The following CSNK1G1 variants were observed in gnomAD, a reference collection of about 807,000 sequenced individuals.
The protein encoded by CSNK1G1 is casein kinase I isoform gamma-1.
In CSNK1G1, 22 loss-of-function variants were observed where a neutral mutation model predicts 59.6. The observed-to-expected ratio is 0.37, with a 90% CI of 0.26 to 0.53. The LOEUF (loss-of-function observed/expected upper bound fraction) is 0.53, where lower values mean the gene tolerates loss of function less well. Ranked by LOEUF, CSNK1G1 falls within the 20% of genes least tolerant of loss-of-function variation. The probability of loss-of-function intolerance (pLI) is 0.89; values close to 1 mark genes in which losing one functional copy is unlikely to be tolerated. For synonymous variants in CSNK1G1, 179 were observed against 177.1 expected, an observed-to-expected ratio of 1.01 and a Z score of -0.08; for missense variants, 384 against 519.5, an observed-to-expected ratio of 0.74 and a Z score of 2.54.
At chr15:64,308,565 T>C (rs964151779) in intron 1 of CSNK1G1, among the ~76,000 whole-genome samples, 1 of 152,182 alleles carries the variant, frequency 6.6e-6, no homozygotes, top group Non-Finnish European at 1.5e-5. Context: ...CTCAACTCTC[T>C]AGCAGCCTCT....
At chr15:64,317,236 G>A (rs1479405576) in intron 1 of CSNK1G1, among the ~76,000 whole-genome samples, 1 of 152,060 alleles carries the variant, frequency 6.6e-6, no homozygotes, top group Non-Finnish European at 1.5e-5. Context: ...TTACAGGTGT[G>A]CGCCACTACG....
At chr15:64,273,088 C>A (rs1455828071) in intron 2 of CSNK1G1, among the ~76,000 whole-genome samples, 3 of 152,164 alleles carry the variant, frequency 2.0e-5, no homozygotes, top group African/African-American at 7.2e-5. Context: ...GTCCAAGAAC[C>A]TATTGATGAA....
intron 1 of CSNK1G1, among the ~76,000 whole-genome samples, chr15:64,337,341 T>C (rs547955788): frequency 6.6e-6 from 1 of 152,256 alleles, no homozygotes; most frequent in African/African-American, 2.4e-5. Context: ...TTTCCAGTAA[T>C]ATACTAACAT....
At chr15:64,227,054 T>C (rs550882768) in intron 4 of CSNK1G1, among the ~76,000 whole-genome samples, 1 of 152,368 alleles carries the variant, frequency 6.6e-6, no homozygotes, top group Non-Finnish European at 1.5e-5. Context: ...ATGGTAGATA[T>C]GGTTAAAATA....
In CSNK1G1 at chr15:64,282,942, T is replaced by C. The variant is rs543670195; in HGVS notation, c.181+17377A>G. On this transcript the variant is annotated intron_variant, in intron 2 of 11. Coordinates refer to ENST00000303052, the MANE Select transcript of CSNK1G1 (RefSeq NM_022048.5). ...CATATGCTTACTAGTCATCCTTACA[T>C]TGTTTCTGGAGAAAAGTCTATTCAA... Among the ~76,000 whole-genome samples the C allele has an allele frequency of 3.9e-5, 6 of 152,310 alleles. No homozygotes were observed. In the East Asian group the frequency reaches 7.7e-4, roughly 20 times the overall value.
intron 9 of CSNK1G1, 148 bp downstream of exon 9, chr15:64,204,293 A>G: frequency 1.7e-6 from 1 of 600,772 alleles, no homozygotes; most frequent in Non-Finnish European, 2.6e-6. Context: ...CAACACCCAG[A>G]CAAGGCTAGT....
intron 2 of CSNK1G1, chr15:64,265,841 C>G (rs62021612): frequency 0.15 from 70,209 of 455,780 alleles, 7,258 homozygotes; most frequent in African/African-American, 0.38. Context: ...AGCACTTTAG[C>G]AGGAGGCCAA....
At chr15:64,265,408 A>G (rs1208951923) in intron 2 of CSNK1G1, among the ~76,000 whole-genome samples, 1 of 152,188 alleles carries the variant, frequency 6.6e-6, no homozygotes, top group Non-Finnish European at 1.5e-5. Context: ...TTCTCATGAT[A>G]GTGAATAAGT....
chr15:64,195,977 C>T (rs1201459359), intron 10 of CSNK1G1, among the ~76,000 whole-genome samples: 1 of 152,152 alleles, frequency 6.6e-6, no homozygotes, highest in Non-Finnish European at 1.5e-5. Flanking sequence ...CACTTGTAAT[C>T]CCCGTTACTT....
At chr15:64,235,424 T>C (rs1007199538) in intron 4 of CSNK1G1, among the ~76,000 whole-genome samples, 2 of 151,654 alleles carry the variant, frequency 1.3e-5, no homozygotes, top group Admixed American at 6.5e-5. Flanking sequence ...ATTTAACACA[T>C]GTATCAGTAA....
intron 4 of CSNK1G1, among the ~76,000 whole-genome samples, chr15:64,247,042 G>C (rs1891797137): frequency 6.6e-6 from 1 of 152,066 alleles, no homozygotes; most frequent in South Asian, 2.1e-4. Context: ...TCCTAATACG[G>C]ATCTGTTTCG....
intron 2 of CSNK1G1, among the ~76,000 whole-genome samples, chr15:64,286,879 G>A (rs1392849346): frequency 6.6e-6 from 1 of 152,058 alleles, no homozygotes; most frequent in Non-Finnish European, 1.5e-5. Context: ...AATCTCTGAC[G>A]ATTAATGTTG....
intron 1 of CSNK1G1, among the ~76,000 whole-genome samples, chr15:64,306,709 G>A (rs1596253072): frequency 1.3e-5 from 2 of 152,228 alleles, no homozygotes; most frequent in East Asian, 3.9e-4. Flanking sequence ...ATTTGTAGTT[G>A]TCAAAAAATG....
chr15:64,250,905 C>T (rs1380217027), intron 4 of CSNK1G1, among the ~76,000 whole-genome samples: 1 of 152,144 alleles, frequency 6.6e-6, no homozygotes, highest in Non-Finnish European at 1.5e-5. Flanking sequence ...AGACTTGTCC[C>T]TACAGGTAAA....
Position 64,300,347 on chromosome 15 carries a change from T to G in CSNK1G1, c.153A>C (p.Gly51=). 1.2e-6 allele frequency: 2 copies of G among 1,614,170 alleles called. No homozygotes were observed. The highest frequency in any genetic ancestry group is 1.7e-6 in the Non-Finnish European group (2 of 1,180,020). The change falls in exon 2 of 12, where the codon GGA becomes GGC. Residue 51 remains glycine, a synonymous_variant. Coordinates refer to ENST00000303052, the MANE Select transcript of CSNK1G1 (RefSeq NM_022048.5). ...ATCTGAGCTCTCCGAAGTTCCCACA[T>G]CCTATCTTCTTGCCAACCCTGAAGT... is the stretch of plus-strand genomic sequence containing the variant. ...GPNFRVGKKI[G]CGNFGELRLG... is the part of the protein sequence containing the mutation.
At position 64,216,453 on chromosome 15, in the gene CSNK1G1, G is replaced by T; in HGVS notation, c.444+109C>A. ...CTTCCCAGAATGCCATCAAGCCTGT[G>T]AGTACTAATTCTTGATGTGTTGCTA... On this transcript the variant is annotated intron_variant, in intron 5 of 11. Coordinates refer to ENST00000303052, the MANE Select transcript of CSNK1G1 (RefSeq NM_022048.5). The surrounding 1 kb of genome is among the most constrained non-coding windows in gnomAD (Gnocchi z 4.6). 9.1e-7 allele frequency: 1 copy of T among 1,094,444 alleles called. No homozygotes were observed. Among genetic ancestry groups the T allele is most frequent in the Non-Finnish European group, 1.3e-6 (1 of 757,222 alleles). 67.8% of individuals were successfully genotyped at this position (1,094,444 alleles called of 1,614,324 possible). A position where few individuals can be genotyped will look rare whatever the true frequency, so the allele number is the denominator to read the frequency against.
intron 6 of CSNK1G1, 64 bp from the exon 7 acceptor site, chr15:64,207,658 C>A: frequency 8.2e-7 from 1 of 1,224,616 alleles, no homozygotes; most frequent in Non-Finnish European, 1.2e-6. Context: ...GGTTCAAAAC[C>A]AAGTAATCCC....
At chr15:64,279,739 C>T (rs550704477) in intron 2 of CSNK1G1, among the ~76,000 whole-genome samples, 1 of 151,990 alleles carries the variant, frequency 6.6e-6, no homozygotes, top group African/African-American at 2.4e-5. Flanking sequence ...TTTGGGAGGC[C>T]GAGGTGGGCG....
intron 10 of CSNK1G1, among the ~76,000 whole-genome samples, chr15:64,196,975 C>T (rs2082046647): frequency 6.6e-6 from 1 of 152,176 alleles, no homozygotes; most frequent in Non-Finnish European, 1.5e-5. Context: ...TTTACATCTG[C>T]ACCCTTCATT....
Sources: gnomAD v4.1 joint callset for allele counts (sites outside exome capture counted in the v4.1 genomes callset) on GRCh38, gnomAD v4.1.1 for gene constraint, Gnocchi (gnomAD v3.1) non-coding constraint, MANE v1.5 for transcripts, NCBI Gene and HGNC (gene_info 2026-07-23, HGNC 2026-07-21) for gene names.